SOX6: variants seen among roughly 807,000 people sequenced by gnomAD.
The protein encoded by SOX6 is transcription factor SOX-6.
Under a neutral mutation model 97.8 loss-of-function variants are expected in SOX6, and 11 were observed. That is an observed-to-expected ratio of 0.11 (90% CI 0.07 to 0.19). SOX6 has a LOEUF of 0.19. Among genes scored for constraint, SOX6 ranks in the 10% least tolerant of loss-of-function variants. The pLI, the probability that SOX6 is intolerant of heterozygous loss-of-function variation, is 1.00. For missense variants in SOX6, 810 were observed against 1,039.5 expected (o/e 0.78, Z 3.04); for synonymous variants, 360 against 371.4 (o/e 0.97, Z 0.35).
rs188368367 is a variant in SOX6, at chr11:16,522,300, C to G, written n.610-45912G>C. Among the ~76,000 whole-genome samples, 614 of 152,132 alleles carry G rather than the reference C, an allele frequency of 4.0e-3. 15 individuals are homozygous for G. The highest frequency in any genetic ancestry group is 0.035 in the Admixed American group (530 of 15,280). On this transcript the variant is annotated intron_variant and non_coding_transcript_variant, in intron 4 of 5. Transcript: ENST00000524520. ...GGATCTCTTGGCAGGAACTCTACAA[C>G]CCAGAAGACAGTGGGGGCCAATATT...
At chr11:16,734,738 A>G (rs1848378994) in intron 2 of SOX6, among the ~76,000 whole-genome samples, 2 of 152,206 alleles carry the variant, frequency 1.3e-5, no homozygotes, top group Admixed American at 6.5e-5. Flanking sequence ...ACCGATTCAT[A>G]TATTAAAACA....
chr11:16,559,978 G>T (rs952901395), intron 4 of SOX6, among the ~76,000 whole-genome samples: 1 of 151,998 alleles, frequency 6.6e-6, no homozygotes, highest in Non-Finnish European at 1.5e-5. Context: ...TTGCCATTTT[G>T]GGGGAGGGCC....
intron 4 of SOX6, among the ~76,000 whole-genome samples, chr11:16,522,363 T>A (rs1489861075): frequency 1.3e-5 from 2 of 152,034 alleles, no homozygotes; most frequent in Non-Finnish European, 2.9e-5. Flanking sequence ...ACCCAGAATT[T>A]CATATCCAGC....
intron 4 of SOX6, among the ~76,000 whole-genome samples, chr11:16,523,405 G>A (rs1466002903): frequency 6.6e-6 from 1 of 152,066 alleles, no homozygotes; most frequent in Non-Finnish European, 1.5e-5. Flanking sequence ...GGAAACGAAG[G>A]CTGAAATAAA....
intron 3 of SOX6, among the ~76,000 whole-genome samples, chr11:16,298,619 T>G (rs1013198175): frequency 1.2e-4 from 18 of 152,264 alleles, no homozygotes; most frequent in African/African-American, 4.3e-4. Context: ...AAGATATAAT[T>G]GAATAAATGG....
chr11:16,075,665 G>A (rs966700161), intron 9 of SOX6, among the ~76,000 whole-genome samples: 11 of 152,112 alleles, frequency 7.2e-5, no homozygotes, highest in African/African-American at 2.7e-4. Flanking sequence ...GGGGAGTGGG[G>A]GCTGGGGGAG....
chr11:16,160,390 C>A (rs1474890283), intron 6 of SOX6, among the ~76,000 whole-genome samples: 1 of 152,120 alleles, frequency 6.6e-6, no homozygotes, highest in Non-Finnish European at 1.5e-5. Flanking sequence ...CAGGAGCTGA[C>A]AGATGGAAGC....
intron 9 of SOX6, 22 bp downstream of exon 9, chr11:16,095,974 G>A (rs751993422): frequency 1.2e-6 from 2 of 1,600,786 alleles, no homozygotes; most frequent in African/African-American, 1.4e-5. Context: ...ACCCAATGAA[G>A]CATCAATGGA....
chr11:16,145,907 G>A (rs1589972415), intron 6 of SOX6, among the ~76,000 whole-genome samples: 1 of 152,188 alleles, frequency 6.6e-6, no homozygotes, highest in African/African-American at 2.4e-5. Context: ...AATCAATATC[G>A]TGAAAATGGC....
rs183503706 is a variant in SOX6, at chr11:16,657,736, T to C, written n.430-45476A>G. Among the ~76,000 whole-genome samples the C allele has an allele frequency of 6.6e-4, 101 of 152,364 alleles. 1 individual carries two copies. Among genetic ancestry groups the C allele is most frequent in the Middle Eastern group, 6.8e-3 (2 of 294 alleles). On this transcript the variant is annotated intron_variant and non_coding_transcript_variant, in intron 3 of 5. Coordinates refer to the SOX6 transcript ENST00000524520. ...TTAATTTGCACTCCCTAGTGACATA[T>C]GATGTTGAGCATCTATTCATGTTTC...
At chr11:15,995,903 C>G (rs1047162156) in intron 13 of SOX6, among the ~76,000 whole-genome samples, 11 of 152,188 alleles carry the variant, frequency 7.2e-5, no homozygotes, top group Middle Eastern at 3.4e-3. Context: ...ATGAAATATA[C>G]TCTCAAATGA....
At chr11:16,278,804 G>C (rs1264983795) in intron 3 of SOX6, among the ~76,000 whole-genome samples, 2 of 152,014 alleles carry the variant, frequency 1.3e-5, no homozygotes, top group African/African-American at 4.8e-5. Context: ...AATGAGGCTA[G>C]AATATAGACC....
At chr11:16,367,449 C>T (rs1241531962) in intron 1 of SOX6, among the ~76,000 whole-genome samples, 1 of 152,148 alleles carries the variant, frequency 6.6e-6, no homozygotes, top group Non-Finnish European at 1.5e-5. Flanking sequence ...CCAAGTCATT[C>T]ACAAAGTTAT....
chr11:15,993,483 G>A (rs1854118929), intron 13 of SOX6, among the ~76,000 whole-genome samples: 1 of 152,112 alleles, frequency 6.6e-6, no homozygotes, highest in Non-Finnish European at 1.5e-5. Context: ...CCACAGTTAT[G>A]TACCTGGAGA....
At chr11:16,611,257 C>A (rs946235522) in intron 4 of SOX6, among the ~76,000 whole-genome samples, 1 of 152,134 alleles carries the variant, frequency 6.6e-6, no homozygotes, top group Admixed American at 6.5e-5. Context: ...TTTAAAACAC[C>A]CACGCAAAAA....
intron 4 of SOX6, among the ~76,000 whole-genome samples, chr11:16,233,330 ACTT>A (rs1385657948): frequency 6.6e-6 from 1 of 152,142 alleles, no homozygotes; most frequent in Non-Finnish European, 1.5e-5. Flanking sequence ...ATAATACAGC[ACTT>A]CTTCTCCATA....
At chr11:16,141,499 G>T (rs1426327857) in intron 6 of SOX6, among the ~76,000 whole-genome samples, 2 of 152,134 alleles carry the variant, frequency 1.3e-5, no homozygotes, top group Non-Finnish European at 2.9e-5. Flanking sequence ...TCTCACTGGG[G>T]CTTGTCGGAC....
intron 3 of SOX6, among the ~76,000 whole-genome samples, chr11:16,265,698 G>T (rs1854065253): frequency 6.6e-6 from 1 of 151,974 alleles, no homozygotes; most frequent in African/African-American, 2.4e-5. Flanking sequence ...TTACATGTTT[G>T]CTAAGCTAGT....
At chr11:16,473,088 GTTCA>G (rs552767411) in intron 1 of SOX6, among the ~76,000 whole-genome samples, 1 of 152,068 alleles carries the variant, frequency 6.6e-6, no homozygotes, top group Non-Finnish European at 1.5e-5. Context: ...GGTTTTTAAA[GTTCA>G]TTCAATTTTT....
Sources: gnomAD v4.1 joint callset for allele counts (sites outside exome capture counted in the v4.1 genomes callset) on GRCh38, gnomAD v4.1.1 for gene constraint, MANE v1.5 for transcripts, NCBI Gene and HGNC (gene_info 2026-07-23, HGNC 2026-07-21) for gene names.